The following PRKCE variants were observed in gnomAD, a reference collection of about 807,000 sequenced individuals.
PRKCE encodes the protein protein kinase C epsilon, also known as protein kinase C epsilon type.
PRKCE carries 16 observed loss-of-function variants against 85.4 expected under a neutral mutation model. The ratio of observed to expected loss-of-function variants is 0.19; its 90% CI spans 0.13 to 0.28. PRKCE has a LOEUF of 0.28. Among genes scored for constraint, PRKCE ranks in the 10% least tolerant of loss-of-function variants. PRKCE has a pLI of 1.00. For missense variants in PRKCE, 573 were observed against 975.2 expected (o/e 0.59, Z 5.49); for synonymous variants, 388 against 371.5 (o/e 1.04, Z -0.51).
At chr2:46,058,736 C>G (rs1366266909) in intron 10 of PRKCE, among the ~76,000 whole-genome samples, 1 of 152,188 alleles carries the variant, frequency 6.6e-6, no homozygotes, top group Non-Finnish European at 1.5e-5. Flanking sequence ...TGCTCTGTCA[C>G]CCAGGCTGGA....
intron 10 of PRKCE, among the ~76,000 whole-genome samples, chr2:46,051,310 C>T (rs1417363943): frequency 1.3e-5 from 2 of 152,198 alleles, no homozygotes; most frequent in Non-Finnish European, 1.5e-5. Flanking sequence ...AAGAAGCTGT[C>T]CACATGCCTC....
chr2:46,072,200 A>G (rs1668141192), intron 10 of PRKCE, among the ~76,000 whole-genome samples: 1 of 152,212 alleles, frequency 6.6e-6, no homozygotes, highest in African/African-American at 2.4e-5. Context: ...TGGTATGGAA[A>G]TCCTCTTCAG....
chr2:46,059,054 C>T (rs1666870687), intron 10 of PRKCE, among the ~76,000 whole-genome samples: 1 of 152,152 alleles, frequency 6.6e-6, no homozygotes, highest in Admixed American at 6.5e-5. Context: ...TGCAGTGGCT[C>T]ATGCCTGTAA....
chr2:45,956,413 G>A (rs995809310), intron 2 of PRKCE, among the ~76,000 whole-genome samples: 29 of 152,078 alleles, frequency 1.9e-4, no homozygotes, highest in African/African-American at 6.7e-4. Flanking sequence ...GATGCAGTGG[G>A]TCACGCCTAT....
intron 10 of PRKCE, among the ~76,000 whole-genome samples, chr2:46,030,700 A>C (rs1574283372): frequency 6.6e-6 from 1 of 152,180 alleles, no homozygotes; most frequent in Non-Finnish European, 1.5e-5. Context: ...CCCTGTAGCA[A>C]CTTGTAATTA....
In PRKCE at chr2:45,909,140, G is replaced by A. The variant is rs373119277; in HGVS notation, c.412+66077G>A. Reference sequence around the variant, plus strand: ...ATGCAACTTATTTGCATTAAATCCTGCATTTATTAGTAATAGTACCACTTC... The same window carrying A: ...ATGCAACTTATTTGCATTAAATCCTACATTTATTAGTAATAGTACCACTTC... On this transcript the variant is annotated intron_variant, in intron 2 of 14. Transcript: ENST00000306156. Among the ~76,000 whole-genome samples, 18 of 152,232 alleles carry A rather than the reference G, an allele frequency of 1.2e-4. No homozygotes were observed. In the East Asian group the frequency reaches 3.5e-3, roughly 29 times the overall value.
rs76115187 is a variant in PRKCE at position 46,007,535 on chromosome 2, A to C, written c.1137A>C (p.Ala379=). 1 of 1,599,810 alleles carries C rather than the reference A, an allele frequency of 6.3e-7. No individual in the cohort carries two copies. Among genetic ancestry groups the C allele is most frequent in the Non-Finnish European group, 8.5e-7 (1 of 1,179,962 alleles). Residue 379 remains alanine (A), a synonymous_variant, in exon 9 of 15, where the codon GCA becomes GCC. Transcript: ENST00000306156. The stretch of plus-strand genomic sequence containing the variant: ...ACCGAGGAGAGGAGCACCGGGCAGC[A>C]TCGTCTCCTGATGGCCAGCTGATGA... ...FDNRGEEHRA[A]SSPDGQLMSP...
intron 2 of PRKCE, among the ~76,000 whole-genome samples, chr2:45,847,868 G>C (rs1691925272): frequency 1.3e-5 from 2 of 152,212 alleles, no homozygotes; most frequent in Non-Finnish European, 2.9e-5. Flanking sequence ...CTTTTCCACT[G>C]TGTTAGAAAT....
chr2:45,848,739 G>C (rs550185415), intron 2 of PRKCE, among the ~76,000 whole-genome samples: 1 of 152,238 alleles, frequency 6.6e-6, no homozygotes, highest in Non-Finnish European at 1.5e-5. Context: ...TGCCTTCAAG[G>C]AGCTTGCAAT....
At chr2:46,147,658 G>A (rs1166355187) in intron 12 of PRKCE, among the ~76,000 whole-genome samples, 1 of 152,206 alleles carries the variant, frequency 6.6e-6, no homozygotes, top group Non-Finnish European at 1.5e-5. Flanking sequence ...TAAAGGTATT[G>A]CTGCCTTCAT....
At chr2:45,864,330 C>T (rs1465509691) in intron 2 of PRKCE, among the ~76,000 whole-genome samples, 1 of 152,190 alleles carries the variant, frequency 6.6e-6, no homozygotes, top group Non-Finnish European at 1.5e-5. Flanking sequence ...AAGGCAAGAC[C>T]TCAGAAAGCC....
At chr2:46,154,510 T>C (rs1190254427) in intron 13 of PRKCE, among the ~76,000 whole-genome samples, 1 of 131,096 alleles carries the variant, frequency 7.6e-6, no homozygotes, top group Non-Finnish European at 1.6e-5. Context: ...CCCCTGTGGC[T>C]CTTTGAAGCT....
At chr2:46,026,473 G>A (rs1403273066) in intron 10 of PRKCE, among the ~76,000 whole-genome samples, 1 of 152,216 alleles carries the variant, frequency 6.6e-6, no homozygotes, top group East Asian at 1.9e-4. Context: ...GTATCATGCA[G>A]AAGGTTTGAA....
At chr2:45,893,616 C>T (rs1204796886) in intron 2 of PRKCE, among the ~76,000 whole-genome samples, 2 of 151,806 alleles carry the variant, frequency 1.3e-5, no homozygotes, top group Non-Finnish European at 2.9e-5. Flanking sequence ...CCCGCCTCAG[C>T]CTCCCAAAGT....
At chr2:46,002,705 C>T (rs1425150933) in intron 7 of PRKCE, among the ~76,000 whole-genome samples, 2 of 152,176 alleles carry the variant, frequency 1.3e-5, no homozygotes, top group Non-Finnish European at 2.9e-5. Context: ...GGAAACAAGA[C>T]TTCACTTGTT....
intron 1 of PRKCE, among the ~76,000 whole-genome samples, chr2:45,659,850 T>TA (rs1675555144): frequency 6.6e-6 from 1 of 151,848 alleles, no homozygotes. Flanking sequence ...TTTTTTTTTT[T>TA]ACTCTTTACT....
chr2:45,662,863 A>AAG (rs1675737135), intron 1 of PRKCE, among the ~76,000 whole-genome samples: 1 of 147,668 alleles, frequency 6.8e-6, no homozygotes, highest in Non-Finnish European at 1.5e-5. Context: ...TACTCTGAAA[A>AAG]CAAGCAAGCA....
At chr2:46,072,787 G>A (rs1668189747) in intron 10 of PRKCE, among the ~76,000 whole-genome samples, 2 of 152,188 alleles carry the variant, frequency 1.3e-5, no homozygotes. Flanking sequence ...TTTGATGGGG[G>A]TGCACTTTGT....
At chr2:45,811,470 A>G (rs1688648142) in intron 1 of PRKCE, among the ~76,000 whole-genome samples, 1 of 152,250 alleles carries the variant, frequency 6.6e-6, no homozygotes, top group Non-Finnish European at 1.5e-5. Flanking sequence ...AAGGAATAAT[A>G]GAAAGGACGA....
Sources: allele counts gnomAD v4.1 joint callset (sites outside exome capture counted in the v4.1 genomes callset), GRCh38; gene constraint gnomAD v4.1.1; transcripts MANE v1.5; gene names NCBI Gene and HGNC (gene_info 2026-07-23, HGNC 2026-07-21).